GDF9: variants seen among roughly 807,000 people sequenced by gnomAD.
GDF9 encodes the protein growth/differentiation factor 9.
GDF9 carries 30 observed loss-of-function variants against 33.8 expected under a neutral mutation model. The observed-to-expected ratio is 0.89, with a 90% CI of 0.66 to 1.20. GDF9 has a LOEUF of 1.20. GDF9 is among the 50% of genes most tolerant of loss of function. The pLI, the probability that GDF9 is intolerant of heterozygous loss-of-function variation, is 0.00. For missense variants in GDF9, 556 were observed against 543.7 expected (o/e 1.02, Z -0.22); for synonymous variants, 205 against 200.7 (o/e 1.02, Z -0.18).
chr5:132,864,880 ATC>A lies in GDF9; in HGVS notation c.-349_-348del, dbSNP rs1759507345. On this transcript the variant is annotated 5_prime_UTR_variant, in exon 1 of 2. An upstream open reading frame in the 5' UTR loses its in-frame stop. Coordinates refer to ENST00000687138, the MANE Select transcript of GDF9 (RefSeq NM_005260.7). ...AAATTGAGGAATGATCTTAAATAAA[ATC>A]TCTCATTTTTTGAGAAATTTGGATT... 1 of 254,578 alleles carries A rather than the reference ATC, an allele frequency of 3.9e-6. No homozygotes were observed. The highest frequency in any genetic ancestry group is 5.0e-5 in the Admixed American group (1 of 20,142). 15.8% of individuals were successfully genotyped at this position (254,578 alleles called of 1,614,324 possible).
rs1252902981 is a variant in GDF9 at position 132,864,739 on chromosome 5, T to C, written c.-206A>G. 3.4e-6 allele frequency: 2 copies of C among 583,314 alleles called. No homozygotes were observed. Among genetic ancestry groups the C allele is most frequent in the African/African-American group, 1.9e-5 (1 of 53,708 alleles). The allele number at this position is 583,314 out of a possible 1,614,324, so 36.1% of individuals were successfully genotyped here. ...GATAACACCTTATTTAGCCAATTTG[T>C]TAATTAGATACAGATTTACTTGGTT... On this transcript the variant is annotated 5_prime_UTR_variant, in exon 1 of 2. Transcript: ENST00000687138.
Position 132,862,490 on chromosome 5 carries a change from TTGAG to T in GDF9, c.460_463del (p.Leu154SerfsTer24). 2 of 1,612,740 alleles carry T rather than the reference TTGAG, an allele frequency of 1.2e-6. No individual in the cohort carries two copies. The highest frequency in any genetic ancestry group is 1.7e-6 in the Non-Finnish European group (2 of 1,179,094). On this transcript the variant is annotated frameshift_variant, in exon 2 of 2. Coordinates refer to ENST00000687138, the MANE Select transcript of GDF9 (RefSeq NM_005260.7). LOFTEE classifies it high-confidence loss of function. ...GTTGATATTGTACAGCAAGACTGAC[TTGAG>T]TAAGTGTTCAACGGTAGTAATGCGA...
chr5:132,864,293 G>A lies in GDF9; in HGVS notation c.241C>T (p.Pro81Ser). The A allele has an allele frequency of 1.9e-6, 3 of 1,614,210 alleles. No homozygotes were observed. The highest frequency in any genetic ancestry group is 2.5e-6 in the Non-Finnish European group (3 of 1,180,042). ...ATGTAGTGCAAAGCTCTGGAGTCTG[G>A]CTGCAGCCTAGGTGACCCACCTCGC... ...VGRGGSPRLQPDSRALHYMKK... is the reference protein window; with the variant it reads ...VGRGGSPRLQSDSRALHYMKK... Residue 81 changes from proline (P) to serine (S), a missense_variant, in exon 1 of 2, where the codon CCA (proline) becomes TCA (serine). By Grantham distance (74) the Pro-to-Ser change is moderately conservative (BLOSUM62 -1). Transcript: ENST00000687138.
chr5:132,864,612 T>A lies in GDF9; in HGVS notation c.-79A>T, dbSNP rs987123705. The stretch of plus-strand genomic sequence containing the variant: ...AGGCCAGGAAGAGCCTAGCTTGGTC[T>A]CTTAAATAAATTTCAGGTGTGTGGG... On this transcript the variant is annotated 5_prime_UTR_variant, in exon 1 of 2. Coordinates refer to ENST00000687138, the MANE Select transcript of GDF9 (RefSeq NM_005260.7). 12 of 1,477,580 alleles carry A rather than the reference T, an allele frequency of 8.1e-6. No individual in the cohort carries two copies. Among genetic ancestry groups the A allele is most frequent in the African/African-American group, 5.6e-5 (4 of 71,988 alleles). 91.5% of individuals were successfully genotyped at this position (1,477,580 alleles called of 1,614,324 possible). A position where few individuals can be genotyped will look rare whatever the true frequency, so the allele number is the denominator to read the frequency against.
At chr5:132,862,816 T>C (rs1326871363) in intron 1 of GDF9, among the ~76,000 whole-genome samples, 1 of 152,182 alleles carries the variant, frequency 6.6e-6, no homozygotes, top group Non-Finnish European at 1.5e-5. Context: ...AATCACTACA[T>C]TCTGAAGTTT....
In GDF9 at chr5:132,861,802, C is replaced by G; in HGVS notation, c.1152G>C (p.Gly384=). ...PHRYNPRYCK[G]DCPRAVGHRY... ...GATGTCCAACTGCCCTTGGACAGTCCCCTTTACAGTATCGAGGGTTGTACC... is the reference window on the plus strand; with the variant it reads ...GATGTCCAACTGCCCTTGGACAGTCGCCTTTACAGTATCGAGGGTTGTACC... Residue 384 remains glycine (G), a synonymous_variant, in exon 2 of 2, where the codon GGG becomes GGC. Coordinates refer to ENST00000687138, the MANE Select transcript of GDF9 (RefSeq NM_005260.7). The G allele has an allele frequency of 1.9e-6, 3 of 1,613,150 alleles. No homozygotes were observed. The highest frequency in any genetic ancestry group is 2.5e-6 in the Non-Finnish European group (3 of 1,179,108).
Position 132,862,518 on chromosome 5 carries a change from G to A in GDF9, c.436C>T (p.Arg146Cys), listed in dbSNP as rs76349024. The A allele has an allele frequency of 1.8e-4, 282 of 1,609,134 alleles. 1 individual carries two copies. The East Asian group carries it at 3.9e-3, about 22-fold the overall frequency. The change falls in exon 2 of 2, where the codon CGC becomes TGC. Residue 146 changes from arginine (R) to cysteine (C), a missense_variant. Arg to Cys is a radical substitution (Grantham distance 180, BLOSUM62 -3). Coordinates refer to ENST00000687138, the MANE Select transcript of GDF9 (RefSeq NM_005260.7). ...PSVELLFNLD[R>C]ITTVEHLLKS... The stretch of plus-strand genomic sequence containing the variant: ...AGTAAGTGTTCAACGGTAGTAATGC[G>A]ATCCAGGTTAAATAGCAGTTCCACT...
chr5:132,862,209 C>G lies in GDF9; in HGVS notation c.745G>C (p.Ala249Pro). The G allele has an allele frequency of 6.2e-7, 1 of 1,613,958 alleles. No homozygotes were observed. The highest frequency in any genetic ancestry group is 8.5e-7 in the Non-Finnish European group (1 of 1,179,828). ...CMKDQLEHPS[A>P]QNGLFNMTLV... ...GTCATGTTAAACAAACCATTCTGTGCTGAAGGATGCTCCAGCTGGTCTTTC... is the reference window on the plus strand; with the variant it reads ...GTCATGTTAAACAAACCATTCTGTGGTGAAGGATGCTCCAGCTGGTCTTTC... Residue 249 changes from alanine to proline, a missense_variant, in exon 2 of 2, where the codon GCA (alanine) becomes CCA (proline). By Grantham distance (27) the Ala-to-Pro change is conservative. Coordinates refer to ENST00000687138, the MANE Select transcript of GDF9 (RefSeq NM_005260.7).
rs772820940 is a variant in GDF9, at chr5:132,862,147, G to A, written c.807C>T (p.Asp269=). ...VSPSLILYLN[D]TSAQAYHSWY... is the part of the protein sequence containing the mutation. Reference sequence around the variant, plus strand: ...AGCTGTGATAAGCCTGAGCACTTGTGTCATTCAAATATAAGATCAGTGAGG... The same window carrying A: ...AGCTGTGATAAGCCTGAGCACTTGTATCATTCAAATATAAGATCAGTGAGG... The change falls in exon 2 of 2, where the codon GAC becomes GAT. Residue 269 remains aspartate (D), a synonymous_variant. Transcript: ENST00000687138. 6.2e-7 allele frequency: 1 copy of A among 1,612,796 alleles called. No individual in the cohort carries two copies. Among genetic ancestry groups the A allele is most frequent in the African/African-American group, 1.3e-5 (1 of 75,022 alleles).
Position 132,861,684 on chromosome 5 carries a change from ATT to A in GDF9, c.1268_1269del (p.Lys423IlefsTer10), listed in dbSNP as rs1181006166. 6 of 1,611,228 alleles carry A rather than the reference ATT, an allele frequency of 3.7e-6. No individual in the cohort carries two copies. The highest frequency in any genetic ancestry group is 1.3e-5 in the African/African-American group (1 of 74,854). ...ATGGTCAAAACACTCAAGGGGCTGT[ATT>A]TGGCAGGTACACATGACGGTCTTGG... ...SVPRPSCVPA[K>X]YSPLSVLTIE... On this transcript the variant is annotated frameshift_variant, in exon 2 of 2. Coordinates refer to ENST00000687138, the MANE Select transcript of GDF9 (RefSeq NM_005260.7). LOFTEE classifies it high-confidence loss of function.
chr5:132,866,291 C>G lies in GDF9; in HGVS notation c.-1758G>C, dbSNP rs535250000. On this transcript the variant is annotated 5_prime_UTR_variant, in exon 1 of 2. Transcript: ENST00000687138. ...CCCAAGCTCCTGGCCAGCGCTGCCC[C>G]GGAGGTCGGCAGGCCCCTTCCTCGT... 7.5e-5 allele frequency: 12 copies of G among 159,974 alleles called. No individual in the cohort carries two copies. The South Asian group carries it at 1.7e-3, about 23-fold the overall frequency. 9.9% of individuals were successfully genotyped at this position (159,974 alleles called of 1,614,324 possible). A position where few individuals can be genotyped will look rare whatever the true frequency, so the allele number is the denominator to read the frequency against.
chr5:132,862,609 G>A, intron 1 of GDF9, 53 bp from the exon 2 acceptor site: 1 of 1,368,730 alleles, frequency 7.3e-7, no homozygotes, highest in South Asian at 1.2e-5. Flanking sequence ...CAACACAACA[G>A]GCAGTCAAGT....
Position 132,862,406 on chromosome 5 carries a change from G to A in GDF9, c.548C>T (p.Pro183Leu). The change falls in exon 2 of 2, where the codon CCA becomes CTA. Residue 183 changes from proline to leucine, a missense_variant. Pro to Leu is a moderately conservative substitution (Grantham distance 98). Coordinates refer to ENST00000687138, the MANE Select transcript of GDF9 (RefSeq NM_005260.7). ...KCVCNLMIKE[P>L]KSSSRTLGRA... is the part of the protein sequence containing the mutation. ...GCCGAGAGTCCTGCTAGAAGACTTT[G>A]GCTCCTTTATCATTAGATTGCACAC... The A allele has an allele frequency of 3.7e-6, 6 of 1,613,988 alleles. No homozygotes were observed. The highest frequency in any genetic ancestry group is 5.1e-6 in the Non-Finnish European group (6 of 1,179,852).
At position 132,864,592 on chromosome 5, in the gene GDF9, A is replaced by G. The variant is rs1323954767; in HGVS notation, c.-59T>C. Reference sequence around the variant, plus strand: ...CATGCCAGTCCTCTTCCTAAAGGCCAGGAAGAGCCTAGCTTGGTCTCTTAA... The same window carrying G: ...CATGCCAGTCCTCTTCCTAAAGGCCGGGAAGAGCCTAGCTTGGTCTCTTAA... On this transcript the variant is annotated 5_prime_UTR_variant, in exon 1 of 2. Transcript: ENST00000687138. 1.9e-6 allele frequency: 3 copies of G among 1,557,922 alleles called. No homozygotes were observed. Among genetic ancestry groups the G allele is most frequent in the African/African-American group, 1.4e-5 (1 of 73,862 alleles).
upstream of GDF9, chr5:132,866,474 C>G (rs1328506700): frequency 5.9e-5 from 16 of 269,476 alleles, no homozygotes; most frequent in Admixed American, 8.2e-4. Flanking sequence ...GGCTCCACCC[C>G]ACCGGCCCGG....
chr5:132,864,656 G>A lies in GDF9; in HGVS notation c.-123C>T, dbSNP rs1192348633. The A allele has an allele frequency of 1.1e-6, 1 of 934,738 alleles. No individual in the cohort carries two copies. The highest frequency in any genetic ancestry group is 1.7e-6 in the Non-Finnish European group (1 of 593,696). The allele number at this position is 934,738 out of a possible 1,614,324, so 57.9% of individuals were successfully genotyped here. ...GTGTGGGTGGACTACGGTCACTTCT[G>A]TAATCAGGCCTCAAGTATGCCTAGC... On this transcript the variant is annotated 5_prime_UTR_variant, in exon 1 of 2. Transcript: ENST00000687138.
chr5:132,865,692 A>G lies in GDF9; in HGVS notation c.-1159T>C, dbSNP rs554728773. ...TGCCGAGCCTCCGTGGTCCGTAAGT[A>G]GTGTTATAAAACACAGCCAACTGTT... On this transcript the variant is annotated 5_prime_UTR_variant, in exon 1 of 2. Transcript: ENST00000687138. 2.0e-5 allele frequency: 3 copies of G among 152,340 alleles called. No individual in the cohort carries two copies. The South Asian group carries it at 6.2e-4, about 32-fold the overall frequency. The allele number at this position is 152,340 out of a possible 1,614,324, so 9.4% of individuals were successfully genotyped here.
Position 132,864,418 on chromosome 5 carries a change from T to G in GDF9, c.116A>C (p.Glu39Ala). 1.9e-6 allele frequency: 3 copies of G among 1,613,810 alleles called. No individual in the cohort carries two copies. The highest frequency in any genetic ancestry group is 2.5e-6 in the Non-Finnish European group (3 of 1,179,868). ...GGEAQIAASA[E>A]LESGAMPWSL... ...CCAAGGCATAGCCCCAGATTCCAAC[T>G]CAGCACTAGCAGCAATCTGAGCTTC... Residue 39 changes from glutamate (E) to alanine (A), a missense_variant, in exon 1 of 2, where the codon GAG (glutamate) becomes GCG (alanine). By Grantham distance (107) the Glu-to-Ala change is moderately radical. Coordinates refer to ENST00000687138, the MANE Select transcript of GDF9 (RefSeq NM_005260.7).
At chr5:132,863,578 T>G (rs1206867577) in intron 1 of GDF9, among the ~76,000 whole-genome samples, 1 of 152,122 alleles carries the variant, frequency 6.6e-6, no homozygotes, top group Non-Finnish European at 1.5e-5. Flanking sequence ...TAGCTGGGAC[T>G]ACAGGTATGC....
Sources: gnomAD v4.1 joint callset for allele counts (sites outside exome capture counted in the v4.1 genomes callset) on GRCh38, gnomAD v4.1.1 for gene constraint, MANE v1.5 for transcripts, NCBI Gene and HGNC (gene_info 2026-07-23, HGNC 2026-07-21) for gene names.